TLL2: variants seen among roughly 807,000 people sequenced by gnomAD.
TLL2 encodes tolloid-like protein 2.
A neutral mutation model predicts 123.0 loss-of-function variants in TLL2; 106 were observed. That is an observed-to-expected ratio of 0.86 (90% CI 0.74 to 1.01). The LOEUF is 1.01. TLL2 is among the 50% of genes least tolerant of loss of function. TLL2 has a pLI of 0.00. For missense variants in TLL2, 1,332 were observed against 1,336.7 expected (o/e 1.00, Z 0.06); for synonymous variants, 494 against 516.8 (o/e 0.96, Z 0.60).
intron 11 of TLL2, 71 bp from the exon 12 acceptor site, chr10:96,396,091 G>T: frequency 6.4e-7 from 1 of 1,556,012 alleles, no homozygotes; most frequent in Non-Finnish European, 8.7e-7. Context: ...GAAGGTTGGG[G>T]AGGCGGGGGG....
At chr10:96,396,094 G>A (rs1296666254) in intron 11 of TLL2, 74 bp from the exon 12 acceptor site, 1 of 1,554,922 alleles carries the variant, frequency 6.4e-7, no homozygotes, top group African/African-American at 1.4e-5. Context: ...GGTTGGGGAG[G>A]CGGGGGGAAC....
At position 96,476,863 on chromosome 10, in the gene TLL2, C is replaced by T. The variant is rs1032585883; in HGVS notation, c.286+3486G>A. On this transcript the variant is annotated intron_variant, in intron 2 of 20. Transcript: ENST00000357947. The stretch of plus-strand genomic sequence containing the variant: ...TCCCTAATCCCTTTTATGTTACACA[C>T]ACACACACACACACACACACACACA... 1.7e-4 allele frequency among the ~76,000 whole-genome samples: 14 copies of T among 80,368 alleles called. 1 individual carries two copies. The South Asian group carries it at 5.9e-3, about 34-fold the overall frequency. 52.7% of individuals were successfully genotyped at this position (80,368 alleles called of 152,430 possible). A position where few individuals can be genotyped will look rare whatever the true frequency, so the allele number is the denominator to read the frequency against.
chr10:96,405,745 G>C (rs967864975), intron 9 of TLL2, among the ~76,000 whole-genome samples: 1 of 152,190 alleles, frequency 6.6e-6, no homozygotes, highest in African/African-American at 2.4e-5. Context: ...GGGTTAGCCC[G>C]AGTGCATCTG....
intron 18 of TLL2, among the ~76,000 whole-genome samples, chr10:96,374,902 G>A (rs1846122389): frequency 6.6e-6 from 1 of 150,988 alleles, no homozygotes; most frequent in African/African-American, 2.4e-5. Context: ...GGTGAGCGGG[G>A]ACGGTGTTAG....
intron 1 of TLL2, among the ~76,000 whole-genome samples, chr10:96,494,665 G>A (rs1847453418): frequency 6.6e-6 from 1 of 152,238 alleles, no homozygotes; most frequent in Non-Finnish European, 1.5e-5. Flanking sequence ...CTTGGGACAT[G>A]AAGCATGGTC....
intron 1 of TLL2, among the ~76,000 whole-genome samples, 170 bp downstream of exon 1, chr10:96,513,341 C>T (rs549744978): frequency 1.2e-4 from 19 of 152,308 alleles, no homozygotes; most frequent in African/African-American, 1.7e-4. Context: ...ATCCCAGCCT[C>T]GGAGTGGTTT....
chr10:96,473,078 C>A (rs756741054), intron 2 of TLL2, among the ~76,000 whole-genome samples: 3 of 151,950 alleles, frequency 2.0e-5, no homozygotes, highest in Non-Finnish European at 2.9e-5. Context: ...AACACTGAGA[C>A]CAGGTGAGAG....
At position 96,370,232 on chromosome 10, in the gene TLL2, C is replaced by A. The variant is rs770246868; in HGVS notation, c.2746G>T (p.Glu916Ter). 14 of 1,613,642 alleles carry A rather than the reference C, an allele frequency of 8.7e-6. No homozygotes were observed. In the East Asian group the frequency reaches 3.1e-4, roughly 36 times the overall value. ...ACGATCACCCAGTCACAGCGGGCCT[C>A]GCTCGGGTAGTTGTTGTCCCCAAAC... ...AQFGDNNYPS[E>*]ARCDWVIVAE... Residue 916 changes from glutamate (E) to a stop codon, truncating the protein, a stop_gained, in exon 20 of 21, where the codon GAG becomes TAG. Transcript: ENST00000357947. LOFTEE classifies it high-confidence loss of function.
rs1229110133 is a variant in TLL2, at chr10:96,365,355, T to A, written c.*2733A>T. Reference sequence around the variant, plus strand: ...CTTTCTCTGTTTGAAGAAATTCCACTGGCTAAAGTTAATTCCAGATTTTTT... The same window carrying A: ...CTTTCTCTGTTTGAAGAAATTCCACAGGCTAAAGTTAATTCCAGATTTTTT... On this transcript the variant is annotated 3_prime_UTR_variant, in exon 21 of 21. Coordinates refer to ENST00000357947, the MANE Select transcript of TLL2 (RefSeq NM_012465.4). The A allele has an allele frequency of 6.6e-6, 1 of 152,264 alleles. No individual in the cohort carries two copies. The highest frequency in any genetic ancestry group is 2.4e-5 in the African/African-American group (1 of 41,470). 9.4% of individuals were successfully genotyped at this position (152,264 alleles called of 1,614,324 possible). A position where few individuals can be genotyped will look rare whatever the true frequency, so the allele number is the denominator to read the frequency against.
rs759116246 is a variant in TLL2 at position 96,384,727 on chromosome 10, G to A, written c.2054C>T (p.Ser685Phe). 2 of 1,609,904 alleles carry A rather than the reference G, an allele frequency of 1.2e-6. No individual in the cohort carries two copies. ...CCTGCCGTGCAGCTTGGCGTCGGGG[G>A]ACAGGCCGCTGCGCACCTCTACAAA... ...YDFVEVRSGL[S>F]PDAKLHGRFC... Residue 685 changes from serine to phenylalanine, a missense_variant, in exon 16 of 21, where the codon TCC (serine) becomes TTC (phenylalanine). Physicochemically the swap from Ser to Phe is radical, Grantham distance 155 (BLOSUM62 -2). Coordinates refer to ENST00000357947, the MANE Select transcript of TLL2 (RefSeq NM_012465.4).
intron 13 of TLL2, among the ~76,000 whole-genome samples, chr10:96,388,622 T>C (rs1846258859): frequency 6.6e-6 from 1 of 152,162 alleles, no homozygotes; most frequent in African/African-American, 2.4e-5. Context: ...AAGGTATTTA[T>C]TGGGTCAAAA....
chr10:96,465,932 C>A (rs1847126094), intron 2 of TLL2, among the ~76,000 whole-genome samples: 1 of 152,194 alleles, frequency 6.6e-6, no homozygotes, highest in Admixed American at 6.5e-5. Context: ...TATGAGAAAT[C>A]TGATTTTTAA....
At chr10:96,434,294 C>G (rs1484197925) in intron 3 of TLL2, among the ~76,000 whole-genome samples, 1 of 152,140 alleles carries the variant, frequency 6.6e-6, no homozygotes, top group Non-Finnish European at 1.5e-5. Flanking sequence ...TTATCTAATT[C>G]TACAGTATTT....
chr10:96,480,289 C>G (rs1282326782), intron 2 of TLL2, 60 bp downstream of exon 2: 2 of 1,416,294 alleles, frequency 1.4e-6, no homozygotes, highest in Non-Finnish European at 2.0e-6. Flanking sequence ...CCACATCTCC[C>G]CCTGCTGAAG....
intron 1 of TLL2, among the ~76,000 whole-genome samples, chr10:96,491,317 G>T (rs140740384): frequency 6.6e-6 from 1 of 151,204 alleles, no homozygotes; most frequent in East Asian, 1.9e-4. Flanking sequence ...AGGAGGCGGA[G>T]GTTGCAGTGA....
At chr10:96,435,100 C>T (rs1441193081) in intron 3 of TLL2, among the ~76,000 whole-genome samples, 9 of 148,438 alleles carry the variant, frequency 6.1e-5, no homozygotes, top group Middle Eastern at 6.9e-3. Flanking sequence ...GGCACGATCT[C>T]GGCTCACTGC....
At position 96,393,578 on chromosome 10, in the gene TLL2, G is replaced by A. The variant is rs982971571; in HGVS notation, c.1726+1609C>T. On this transcript the variant is annotated intron_variant, in intron 13 of 20. Coordinates refer to ENST00000357947, the MANE Select transcript of TLL2 (RefSeq NM_012465.4). ...CCAAGTCAGACAGGGGCCACCCCAG[G>A]CTGGGAGACACCAGGCATGTGCAGG... Among the ~76,000 whole-genome samples the A allele has an allele frequency of 2.0e-5, 3 of 152,210 alleles. No individual in the cohort carries two copies. The East Asian group carries it at 5.8e-4, about 29-fold the overall frequency.
At position 96,413,189 on chromosome 10, in the gene TLL2, T is replaced by C. The variant is rs373699307; in HGVS notation, c.1048+3A>G. 6.2e-7 allele frequency: 1 copy of C among 1,613,870 alleles called. No individual in the cohort carries two copies. The highest frequency in any genetic ancestry group is 1.3e-5 in the African/African-American group (1 of 74,924). ...GCTGGCAGTCCCCACGGCTCATAGT[T>C]ACCTGGGCATTTGTACAGCTTCCGG... On this transcript the variant is annotated splice_donor_region_variant and intron_variant, in intron 8 of 20. Transcript: ENST00000357947.
intron 3 of TLL2, among the ~76,000 whole-genome samples, chr10:96,441,342 C>T (rs529572322): frequency 6.6e-6 from 1 of 152,320 alleles, no homozygotes; most frequent in East Asian, 1.9e-4. Flanking sequence ...CTGAAGGCCG[C>T]TAAGTAAAGG....
Sources: gnomAD v4.1 joint callset for allele counts (sites outside exome capture counted in the v4.1 genomes callset) on GRCh38, gnomAD v4.1.1 for gene constraint, MANE v1.5 for transcripts, NCBI Gene and HGNC (gene_info 2026-07-23, HGNC 2026-07-21) for gene names.